HDAC5: variants seen among roughly 807,000 people sequenced by gnomAD.
HDAC5 encodes histone deacetylase 5.
Under a neutral mutation model 133.3 loss-of-function variants are expected in HDAC5, and 25 were observed. The ratio of observed to expected loss-of-function variants is 0.19; its 90% confidence interval spans 0.14 to 0.26. The LOEUF (loss-of-function observed/expected upper bound fraction) is 0.26. HDAC5 is among the 10% of genes least tolerant of loss of function. The probability of loss-of-function intolerance (pLI) is 1.00; values close to 1 mark genes in which losing one functional copy is unlikely to be tolerated. For synonymous variants in HDAC5, 589 were observed against 610.8 expected (o/e 0.96, Z 0.53); for missense variants, 1,041 against 1,460.5 (o/e 0.71, Z 4.68).
At position 44,079,177 on chromosome 17, in the gene HDAC5, A is replaced by G; in HGVS notation, c.3045T>C (p.Ser1015=). ...GHDLTAICDA[S]EACVSALLSV... ...TGAGCAGAGCCGAGACACAAGCCTC[A>G]GAGGCATCACAGATGGCGGTCAAGT... The change falls in exon 24 of 27, where the codon TCT becomes TCC. Residue 1015 remains serine, a synonymous_variant. Coordinates refer to ENST00000682912, the MANE Select transcript of HDAC5 (RefSeq NM_005474.5). 3 of 1,613,200 alleles carry G rather than the reference A, an allele frequency of 1.9e-6. No homozygotes were observed. Among genetic ancestry groups the G allele is most frequent in the Non-Finnish European group, 2.5e-6 (3 of 1,179,220 alleles).
At chr17:44,119,678 C>T (rs2052866538) in intron 1 of HDAC5, among the ~76,000 whole-genome samples, 1 of 152,238 alleles carries the variant, frequency 6.6e-6, no homozygotes, top group African/African-American at 2.4e-5. Context: ...GAACCAGAGC[C>T]ACAGGCTGAG....
intron 3 of HDAC5, 138 bp downstream of exon 3, chr17:44,110,591 A>T: frequency 1.4e-6 from 1 of 690,264 alleles, no homozygotes; most frequent in Non-Finnish European, 2.5e-6. Flanking sequence ...GGGATCCCCC[A>T]GCCCTGTGTA....
At chr17:44,103,575 G>A (rs965475272) in intron 3 of HDAC5, among the ~76,000 whole-genome samples, 19 of 152,172 alleles carry the variant, frequency 1.2e-4, no homozygotes, top group Admixed American at 7.9e-4. Context: ...TGTACGCGGA[G>A]GAGCTTGGCA....
intron 3 of HDAC5, among the ~76,000 whole-genome samples, chr17:44,106,860 G>C (rs1031760014): frequency 1.3e-5 from 2 of 151,312 alleles, no homozygotes; most frequent in Non-Finnish European, 2.9e-5. Flanking sequence ...CACCGAGCCC[G>C]GCCAAAAGTA....
At chr17:44,113,677 C>A (rs989648177) in intron 2 of HDAC5, among the ~76,000 whole-genome samples, 2 of 152,158 alleles carry the variant, frequency 1.3e-5, no homozygotes, top group African/African-American at 2.4e-5. Context: ...GGACTGTCTT[C>A]CCCAGACTCA....
chr17:44,117,761 G>A lies in HDAC5; in HGVS notation c.-189-57C>T. 1.7e-6 allele frequency: 1 copy of A among 600,672 alleles called. No homozygotes were observed. Among genetic ancestry groups the A allele is most frequent in the South Asian group, 2.0e-5 (1 of 51,218 alleles). 37.2% of individuals were successfully genotyped at this position (600,672 alleles called of 1,614,324 possible). A position where few individuals can be genotyped will look rare whatever the true frequency, so the allele number is the denominator to read the frequency against. The stretch of plus-strand genomic sequence containing the variant: ...CTAACTCAGGAATCTGAGAGTCGAA[G>A]GAGACCTTGGAGCTCATCAGTTTGT... On this transcript the variant is annotated intron_variant, in intron 1 of 26. Transcript: ENST00000682912. The surrounding 1 kb of genome is among the most constrained non-coding windows in gnomAD (Gnocchi z 4.2).
chr17:44,087,842 A>G, intron 12 of HDAC5, 146 bp from the exon 13 acceptor site: 1 of 991,432 alleles, frequency 1.0e-6, no homozygotes, highest in East Asian at 2.8e-5. Context: ...AGCTCCTCTG[A>G]GAGGACTTTT....
Position 44,088,586 on chromosome 17 carries a change from C to T in HDAC5, c.1400G>A (p.Gly467Glu). 6.2e-7 allele frequency: 1 copy of T among 1,612,778 alleles called. No homozygotes were observed. Among genetic ancestry groups the T allele is most frequent in the Non-Finnish European group, 8.5e-7 (1 of 1,179,520 alleles). ...TTCACCCGTCACTAGTGGGGACTGC[C>T]CGTGGAGTGGCACTACGGAGTTGGG... Reference protein sequence around the residue: ...QSTLIAVPLHGQSPLVTGERV... With the variant: ...QSTLIAVPLHEQSPLVTGERV... The change falls in exon 12 of 27, where the codon GGG becomes GAG. Residue 467 changes from glycine to glutamate, a missense_variant. Around this residue, in one of 9 missense-constraint regions of HDAC5, gnomAD observed 433 missense variants for 531.6 expected, o/e 0.81. Coordinates refer to ENST00000682912, the MANE Select transcript of HDAC5 (RefSeq NM_005474.5).
At chr17:44,121,894 T>C (rs1398617978) in intron 1 of HDAC5, among the ~76,000 whole-genome samples, 1 of 152,146 alleles carries the variant, frequency 6.6e-6, no homozygotes, top group African/African-American at 2.4e-5. Context: ...CTCTGGTCTC[T>C]GGCATGCCCA....
chr17:44,090,048 G>A (rs186920684), intron 11 of HDAC5, among the ~76,000 whole-genome samples: 1,722 of 151,456 alleles, frequency 0.011, 34 homozygotes, highest in African/African-American at 0.039. Context: ...GCCTGGCCAA[G>A]ATGGTGAAAC....
chr17:44,092,588 CCACTGGGGT>C, intron 7 of HDAC5, 61 bp from the exon 8 acceptor site: 1 of 1,572,496 alleles, frequency 6.4e-7, no homozygotes, highest in Non-Finnish European at 8.7e-7. Flanking sequence ...GCAGCTGAGC[CCACTGGGGT>C]CAGGGCTGAC....
At position 44,093,769 on chromosome 17, in the gene HDAC5, G is replaced by A; in HGVS notation, c.160C>T (p.Pro54Ser). 6.3e-7 allele frequency: 1 copy of A among 1,584,328 alleles called. No individual in the cohort carries two copies. Among genetic ancestry groups the A allele is most frequent in the Non-Finnish European group, 8.6e-7 (1 of 1,164,140 alleles). ...GCCCCCCGTAGCTCCACAGGGCTGGGGCTGCCTCCACCCCCACCCCCCATG... is the reference window on the plus strand; with the variant it reads ...GCCCCCCGTAGCTCCACAGGGCTGGAGCTGCCTCCACCCCCACCCCCCATG... ...SSMGGGGGGSPSPVELRGALV... is the reference protein window; with the variant it reads ...SSMGGGGGGSSSPVELRGALV... The change falls in exon 4 of 27, where the codon CCC becomes TCC. Residue 54 changes from proline to serine, a missense_variant. Coordinates refer to ENST00000682912, the MANE Select transcript of HDAC5 (RefSeq NM_005474.5).
rs1293559824 is a variant in HDAC5 at position 44,076,831 on chromosome 17, C to G, written c.*1545G>C. The G allele has an allele frequency of 6.2e-6, 1 of 160,518 alleles. No individual in the cohort carries two copies. Among genetic ancestry groups the G allele is most frequent in the Non-Finnish European group, 1.4e-5 (1 of 72,378 alleles). 9.9% of individuals were successfully genotyped at this position (160,518 alleles called of 1,614,324 possible). On this transcript the variant is annotated 3_prime_UTR_variant, in exon 27 of 27. Transcript: ENST00000682912. ...CAAAATACTTAACTGAAATCCATAT[C>G]CAGGGAGACAAAGCAAGGAGTGGGT...
At chr17:44,100,929 CAGGCA>C (rs2051565717) in intron 3 of HDAC5, among the ~76,000 whole-genome samples, 1 of 148,816 alleles carries the variant, frequency 6.7e-6, no homozygotes, top group African/African-American at 2.4e-5. Context: ...GCTGGGACTA[CAGGCA>C]TGTGCCACCA....
chr17:44,091,880 C>T, intron 9 of HDAC5, 49 bp from the exon 10 acceptor site: 4 of 1,508,726 alleles, frequency 2.7e-6, no homozygotes, highest in South Asian at 1.3e-5. Context: ...AAAGGGGAGG[C>T]AACAAGGGAG....
In HDAC5 at chr17:44,091,821, T is replaced by C. The variant is rs1160301382; in HGVS notation, c.1043A>G (p.Gln348Arg). The change falls in exon 10 of 27, where the codon CAG becomes CGG. Residue 348 changes from glutamine to arginine, a missense_variant. By Grantham distance (43) the Gln-to-Arg change is conservative (BLOSUM62 1). Around this residue, in one of 9 missense-constraint regions of HDAC5, gnomAD observed 433 missense variants for 531.6 expected, o/e 0.81. Coordinates refer to ENST00000682912, the MANE Select transcript of HDAC5 (RefSeq NM_005474.5). ...VPNIPTEMLP[Q>R]HRALPLDSSP... Reference sequence around the variant, plus strand: ...GCTGTCCAGAGGGAGGGCTCGGTGCTGAGGGAGCATCTGGGGAGCAGTCAG... The same window carrying C: ...GCTGTCCAGAGGGAGGGCTCGGTGCCGAGGGAGCATCTGGGGAGCAGTCAG... The C allele has an allele frequency of 1.3e-6, 2 of 1,564,842 alleles. No individual in the cohort carries two copies. Among genetic ancestry groups the C allele is most frequent in the Admixed American group, 2.0e-5 (1 of 50,656 alleles).
intron 2 of HDAC5, among the ~76,000 whole-genome samples, chr17:44,116,334 A>G (rs1234733825): frequency 6.6e-6 from 1 of 152,210 alleles, no homozygotes; most frequent in Admixed American, 6.5e-5. Context: ...AGGGGCAAGC[A>G]AGAGGGCAGA....
At position 44,117,671 on chromosome 17, in the gene HDAC5, G is replaced by A. The variant is rs562058590; in HGVS notation, c.-156C>T. ...TAATGCCCATCCGAGGCCATCCTTC[G>A]GGGCGAGGCAGTCAGGCACTCAGAA... On this transcript the variant is annotated 5_prime_UTR_variant, in exon 2 of 27. Transcript: ENST00000682912. This position sits in a 1 kb window ranked among gnomAD's most constrained non-coding sequence, Gnocchi z 4.2. 9 of 769,000 alleles carry A rather than the reference G, an allele frequency of 1.2e-5. No homozygotes were observed. Among genetic ancestry groups the A allele is most frequent in the Admixed American group, 8.1e-5 (4 of 49,358 alleles). The allele number at this position is 769,000 out of a possible 1,614,324, so 47.6% of individuals were successfully genotyped here. A position where few individuals can be genotyped will look rare whatever the true frequency, so the allele number is the denominator to read the frequency against.
chr17:44,120,815 C>T (rs920192708), intron 1 of HDAC5, among the ~76,000 whole-genome samples: 1 of 151,904 alleles, frequency 6.6e-6, no homozygotes, highest in African/African-American at 2.4e-5. Flanking sequence ...ATCTTGACCC[C>T]TCCTGACCAT....
Sources: allele counts gnomAD v4.1 joint callset (sites outside exome capture counted in the v4.1 genomes callset), GRCh38; gene constraint gnomAD v4.1.1; regional missense constraint gnomAD v4.1.1; non-coding constraint Gnocchi (gnomAD v3.1); transcripts MANE v1.5; gene names NCBI Gene and HGNC (gene_info 2026-07-23, HGNC 2026-07-21).